The following DMXL1 variants were observed in gnomAD, a reference collection of about 807,000 sequenced individuals.
DMXL1 encodes the protein Dmx like 1, also known as dmX-like protein 1.
DMXL1 carries 99 observed loss-of-function variants against 319.2 expected under a neutral mutation model. The ratio of observed to expected loss-of-function variants is 0.31; its 90% confidence interval spans 0.26 to 0.37. DMXL1 has a LOEUF of 0.37. Among genes scored for constraint, DMXL1 ranks in the 10% least tolerant of loss-of-function variants. DMXL1 has a pLI of 1.00. For missense variants in DMXL1, 3,745 were observed against 3,595.6 expected, an observed-to-expected ratio of 1.04 and a Z score of -1.06; for synonymous variants, 1,385 against 1,235.2, an observed-to-expected ratio of 1.12 and a Z score of -2.54.
At position 119,247,985 on chromosome 5, in the gene DMXL1, T is replaced by A. The variant is rs1486439120; in HGVS notation, c.*766T>A. On this transcript the variant is annotated 3_prime_UTR_variant, in exon 44 of 44. Coordinates refer to ENST00000539542, the MANE Select transcript of DMXL1 (RefSeq NM_001290321.3). ...AATTTTTGAATTCCCATCCTAATTT[T>A]CAAATAAGTTTCAAGGAGACTATCA... The A allele has an allele frequency of 6.6e-6, 1 of 152,114 alleles. No individual in the cohort carries two copies. The highest frequency in any genetic ancestry group is 1.5e-5 in the Non-Finnish European group (1 of 67,980). 9.4% of individuals were successfully genotyped at this position (152,114 alleles called of 1,614,324 possible).
At chr5:119,154,590 AG>A (rs1468759366) in intron 19 of DMXL1, 1 of 159,750 alleles carries the variant, frequency 6.3e-6, no homozygotes, top group Non-Finnish European at 1.4e-5. Flanking sequence ...TTGGTCCATG[AG>A]GTTTAAGGAA....
At chr5:119,132,235 C>T (rs1765064941) in intron 10 of DMXL1, among the ~76,000 whole-genome samples, 4 of 152,166 alleles carry the variant, frequency 2.6e-5, no homozygotes, top group Admixed American at 2.6e-4. Context: ...TAAATTATGT[C>T]TATAGGCTCT....
rs141775571 is a variant in DMXL1, at chr5:119,160,783, C to T, written c.4703-3724C>T. The stretch of plus-strand genomic sequence containing the variant: ...ATTATGTAACATACTTCTTTGTCTC[C>T]TTTCACAGTTTTTGACTTAAAGTCT... On this transcript the variant is annotated intron_variant, in intron 19 of 43. Transcript: ENST00000539542. Among the ~76,000 whole-genome samples, 19 of 152,144 alleles carry T rather than the reference C, an allele frequency of 1.2e-4. No individual in the cohort carries two copies. In the East Asian group the frequency reaches 3.7e-3, roughly 29 times the overall value.
intron 42 of DMXL1, among the ~76,000 whole-genome samples, chr5:119,242,063 T>G (rs970677920): frequency 2.6e-5 from 4 of 152,244 alleles, no homozygotes; most frequent in African/African-American, 9.6e-5. Flanking sequence ...TTTTTGTAAT[T>G]TGTGTATATT....
chr5:119,096,116 T>G (rs184019920), intron 1 of DMXL1, among the ~76,000 whole-genome samples: 1 of 152,308 alleles, frequency 6.6e-6, no homozygotes, highest in African/African-American at 2.4e-5. Flanking sequence ...TTTAATATTT[T>G]TTGATAGAGT....
At chr5:119,134,213 T>G (rs777085660) in intron 12 of DMXL1, 35 bp downstream of exon 12, 4 of 1,605,970 alleles carry the variant, frequency 2.5e-6, no homozygotes, top group East Asian at 4.5e-5. Flanking sequence ...GTAATTTAGA[T>G]TTGCTGACAT....
At chr5:119,099,040 A>G (rs187955037) in intron 2 of DMXL1, among the ~76,000 whole-genome samples, 3 of 152,288 alleles carry the variant, frequency 2.0e-5, no homozygotes, top group East Asian at 3.9e-4. Context: ...TTGTTGGACT[A>G]CTGTTCTTTT....
At chr5:119,072,420 A>G (rs1383607553) in intron 1 of DMXL1, among the ~76,000 whole-genome samples, 2 of 152,186 alleles carry the variant, frequency 1.3e-5, no homozygotes, top group Non-Finnish European at 2.9e-5. Context: ...ACTTTTATCT[A>G]CATAAATTTA....
At chr5:119,097,456 G>C (rs540828566) in intron 1 of DMXL1, among the ~76,000 whole-genome samples, 1 of 152,050 alleles carries the variant, frequency 6.6e-6, no homozygotes, top group African/African-American at 2.4e-5. Flanking sequence ...AGTGGCTCAC[G>C]CCTGTAATCC....
chr5:119,171,317 T>G (rs558351029), intron 24 of DMXL1, 37 bp downstream of exon 24: 32 of 1,529,662 alleles, frequency 2.1e-5, no homozygotes, highest in Non-Finnish European at 2.6e-5. Context: ...ATGGTACATG[T>G]CTAAAACTGT....
Position 119,071,292 on chromosome 5 carries a change from C to T in DMXL1, c.-278C>T, listed in dbSNP as rs953300925. The T allele has an allele frequency of 1.3e-5, 6 of 451,228 alleles. No homozygotes were observed. In the Admixed American group the frequency reaches 1.7e-4, roughly 13 times the overall value. The allele number at this position is 451,228 out of a possible 1,614,324, so 28.0% of individuals were successfully genotyped here. Reference sequence around the variant, plus strand: ...CCCCGGGTCGTGGCCGGTGAGGGGACCCTGAGCTTCACCTGGGCTAGCGCG... The same window carrying T: ...CCCCGGGTCGTGGCCGGTGAGGGGATCCTGAGCTTCACCTGGGCTAGCGCG... On this transcript the variant is annotated 5_prime_UTR_variant, in exon 1 of 44. Transcript: ENST00000539542.
In DMXL1 at chr5:119,133,838, T is replaced by C. The variant is rs1561679194; in HGVS notation, c.1914T>C (p.Phe638=). ...SHKSRYCGHR[F]HLNDLACHSV... is the part of the protein sequence containing the mutation. Reference sequence around the variant, plus strand: ...AATCCAGATATTGTGGTCATCGTTTTCATCTTAATGATTTAGCTTGCCACT... The same window carrying C: ...AATCCAGATATTGTGGTCATCGTTTCCATCTTAATGATTTAGCTTGCCACT... Residue 638 remains phenylalanine (F), a synonymous_variant, in exon 12 of 44, where the codon TTT becomes TTC. Coordinates refer to ENST00000539542, the MANE Select transcript of DMXL1 (RefSeq NM_001290321.3). 6.2e-7 allele frequency: 1 copy of C among 1,614,204 alleles called. No individual in the cohort carries two copies. Among genetic ancestry groups the C allele is most frequent in the African/African-American group, 1.3e-5 (1 of 75,062 alleles).
chr5:119,203,091 A>G (rs933987087), intron 32 of DMXL1, among the ~76,000 whole-genome samples: 1 of 151,986 alleles, frequency 6.6e-6, no homozygotes, highest in Non-Finnish European at 1.5e-5. Flanking sequence ...CCTGTACATT[A>G]TCAGACTTGA....
rs186597470 is a variant in DMXL1 at position 119,097,815 on chromosome 5, G to T, written c.88-164G>T. Among the ~76,000 whole-genome samples, 30 of 152,196 alleles carry T rather than the reference G, an allele frequency of 2.0e-4. No individual in the cohort carries two copies. In the East Asian group the frequency reaches 5.4e-3, roughly 27 times the overall value. On this transcript the variant is annotated intron_variant, in intron 1 of 43. Coordinates refer to ENST00000539542, the MANE Select transcript of DMXL1 (RefSeq NM_001290321.3). ...TAATAGGCTGTATATGGGGAGGTAA[G>T]GGAAATAGTGCCAAATGTAGATTTT...
At chr5:119,157,876 T>C (rs547406550) in intron 19 of DMXL1, among the ~76,000 whole-genome samples, 15 of 152,348 alleles carry the variant, frequency 9.8e-5, no homozygotes, top group Admixed American at 7.8e-4. Context: ...AGTATTTTGA[T>C]AGAGATTGCG....
At position 119,150,170 on chromosome 5, in the gene DMXL1, A is replaced by G; in HGVS notation, c.4343A>G (p.Gln1448Arg). 6.2e-7 allele frequency: 1 copy of G among 1,613,838 alleles called. No individual in the cohort carries two copies. The highest frequency in any genetic ancestry group is 8.5e-7 in the Non-Finnish European group (1 of 1,179,868). Residue 1448 changes from glutamine to arginine, a missense_variant, in exon 18 of 44, where the codon CAG (glutamine) becomes CGG (arginine). Physicochemically the swap from Gln to Arg is conservative, Grantham distance 43. Transcript: ENST00000539542. ...LSKESYDELF[Q>R]TQLLMTDTHM... ...AAAGAAAGTTATGATGAGCTTTTTC[A>G]GACTCAACTTCTAATGACTGATACT... is the stretch of plus-strand genomic sequence containing the variant.
rs76434865 is a variant in DMXL1, at chr5:119,116,243, C to T, written c.650C>T (p.Ser217Phe). 5 of 1,613,972 alleles carry T rather than the reference C, an allele frequency of 3.1e-6. No homozygotes were observed. In the African/African-American group the frequency reaches 5.3e-5, roughly 17 times the overall value. ...TSPDGSSEKQSQGEIDFSFVY... is the reference protein window; with the variant it reads ...TSPDGSSEKQFQGEIDFSFVY... Reference sequence around the variant, plus strand: ...CCAGATGGAAGTTCAGAAAAACAATCCCAAGGAGAAATTGACTTTTCTTTT... The same window carrying T: ...CCAGATGGAAGTTCAGAAAAACAATTCCAAGGAGAAATTGACTTTTCTTTT... The change falls in exon 7 of 44, where the codon TCC becomes TTC. Residue 217 changes from serine to phenylalanine, a missense_variant. Physicochemically the swap from Ser to Phe is radical, Grantham distance 155 (BLOSUM62 -2). Around this residue, in one of 4 missense-constraint regions of DMXL1, gnomAD observed 2,096 missense variants for 1,985.4 expected, o/e 1.06. Coordinates refer to ENST00000539542, the MANE Select transcript of DMXL1 (RefSeq NM_001290321.3).
At chr5:119,212,694 A>C (rs1258907800) in intron 34 of DMXL1, among the ~76,000 whole-genome samples, 3 of 152,138 alleles carry the variant, frequency 2.0e-5, no homozygotes, top group Non-Finnish European at 4.4e-5. Flanking sequence ...AAAGCATGAA[A>C]TCTTTACAGA....
Position 119,098,095 on chromosome 5 carries a change from A to G in DMXL1, c.204A>G (p.Gln68=), listed in dbSNP as rs1404960475. ...IQVGCVDCSM[Q]QGKIAASYGN... is the part of the protein sequence containing the mutation. The stretch of plus-strand genomic sequence containing the variant: ...TGGGATGTGTAGACTGTTCAATGCA[A>G]CAAGGCAAGGTTTGTAATCTTCTTC... The change falls in exon 2 of 44, where the codon CAA becomes CAG. Residue 68 remains glutamine (Q), a synonymous_variant. Transcript: ENST00000539542. The G allele has an allele frequency of 3.1e-6, 5 of 1,597,058 alleles. No homozygotes were observed. The Admixed American group carries it at 7.3e-5, about 23-fold the overall frequency.
Sources: allele counts gnomAD v4.1 joint callset (sites outside exome capture counted in the v4.1 genomes callset), GRCh38; gene constraint gnomAD v4.1.1; regional missense constraint gnomAD v4.1.1; transcripts MANE v1.5; gene names NCBI Gene and HGNC (gene_info 2026-07-23, HGNC 2026-07-21).